The following DIDO1 variants were observed in gnomAD, a reference collection of about 807,000 sequenced individuals.
The protein encoded by DIDO1 is death inducer-obliterator 1.
DIDO1 carries 16 observed loss-of-function variants against 99.4 expected under a neutral mutation model. The observed-to-expected ratio is 0.16, with a 90% CI of 0.11 to 0.24. The LOEUF is 0.24. Among genes scored for constraint, DIDO1 ranks in the 10% least tolerant of loss-of-function variants. DIDO1 has a pLI of 1.00. For missense variants in DIDO1, 2,996 were observed against 3,014.0 expected, an observed-to-expected ratio of 0.99 and a Z score of 0.14; for synonymous variants, 1,366 against 1,239.1, an observed-to-expected ratio of 1.10 and a Z score of -2.15.
In DIDO1 at chr20:62,882,350, G is replaced by A. The variant is rs866639399; in HGVS notation, c.3606C>T (p.Pro1202=). ...TCTTGTCTAACTCTCCACTGTTTGC[G>A]GGACGTTTGATTTTTTGGCAGATTA... The part of the protein sequence containing the change: ...GLVICQKIKR[P]ANSGELDKMD... The change falls in exon 16 of 16, where the codon CCC becomes CCT. Residue 1202 remains proline, a synonymous_variant. Transcript: ENST00000395343. 3.7e-6 allele frequency: 6 copies of A among 1,613,834 alleles called. No individual in the cohort carries two copies. Among genetic ancestry groups the A allele is most frequent in the Non-Finnish European group, 4.2e-6 (5 of 1,180,012 alleles).
Position 62,896,319 on chromosome 20 carries a change from T to C in DIDO1, c.2128A>G (p.Met710Val). 1 of 1,614,064 alleles carries C rather than the reference T, an allele frequency of 6.2e-7. No homozygotes were observed. Residue 710 changes from methionine (M) to valine (V), a missense_variant, in exon 8 of 16, where the codon ATG becomes GTG. Physicochemically the swap from Met to Val is conservative, Grantham distance 21 (BLOSUM62 1). Around this residue, in one of 5 missense-constraint regions of DIDO1, gnomAD observed 898 missense variants for 972.7 expected, o/e 0.92. Coordinates refer to ENST00000395343, the MANE Select transcript of DIDO1 (RefSeq NM_001193369.2). The surrounding 1 kb of genome is among the most constrained non-coding windows in gnomAD (Gnocchi z 4.4). ...TCTGTAACTTGAAACAAGTTAAACA[T>C]CTCCTTCTCAATATGGAGGGCAATT... ...GKIALHIEKE[M>V]FNLFQVTDNR... is the part of the protein sequence containing the mutation.
chr20:62,888,681 C>T (rs2064340317), intron 15 of DIDO1: 12 of 985,528 alleles, frequency 1.2e-5, no homozygotes, highest in South Asian at 4.7e-5. Context: ...CACATGCACA[C>T]GCACTACACA....
intron 15 of DIDO1, chr20:62,889,605 G>A (rs41282988): frequency 0.038 from 37,852 of 985,360 alleles, 837 homozygotes; most frequent in Non-Finnish European, 0.043. Context: ...TCACAGGTGC[G>A]GAGAGGCCAG....
At chr20:62,920,781 G>A (rs1601025540) in intron 1 of DIDO1, among the ~76,000 whole-genome samples, 2 of 152,200 alleles carry the variant, frequency 1.3e-5, no homozygotes, top group Non-Finnish European at 2.9e-5. Context: ...GAATCCAGAA[G>A]CTGTCAGTTA....
chr20:62,895,273 G>C, intron 8 of DIDO1, 108 bp from the exon 9 acceptor site: 1 of 952,164 alleles, frequency 1.1e-6, no homozygotes, highest in South Asian at 1.5e-5. Flanking sequence ...ACAGGACAAA[G>C]GCCCTCAGGG....
At chr20:62,888,343 T>C (rs139818608) in intron 15 of DIDO1, 457 of 985,546 alleles carry the variant, frequency 4.6e-4, no homozygotes, top group Non-Finnish European at 5.2e-4. Context: ...CAGGGGAAGA[T>C]GCTCCCACAT....
intron 1 of DIDO1, among the ~76,000 whole-genome samples, chr20:62,936,025 T>C (rs2065379597): frequency 6.6e-6 from 1 of 152,250 alleles, no homozygotes; most frequent in Non-Finnish European, 1.5e-5. Context: ...AGGCAGGCAC[T>C]GAGACAGCCT....
intron 6 of DIDO1, among the ~76,000 whole-genome samples, chr20:62,902,911 A>C (rs1485868694): frequency 6.6e-6 from 1 of 152,214 alleles, no homozygotes; most frequent in Non-Finnish European, 1.5e-5. Context: ...AAATACTAGA[A>C]ATTGCACCTA....
At chr20:62,906,441 C>T (rs554916236) in intron 5 of DIDO1, among the ~76,000 whole-genome samples, 211 of 152,300 alleles carry the variant, frequency 1.4e-3, no homozygotes, top group Admixed American at 4.2e-3. Context: ...AGGAGGAGTG[C>T]GGCAATGAAC....
chr20:62,922,500 C>A (rs150901172), intron 1 of DIDO1, among the ~76,000 whole-genome samples: 2 of 151,918 alleles, frequency 1.3e-5, no homozygotes, highest in Non-Finnish European at 2.9e-5. Context: ...CAAACGATAG[C>A]GGGGGTGGGG....
At position 62,892,976 on chromosome 20, in the gene DIDO1, C is replaced by G. The variant is rs757076633; in HGVS notation, c.3102-14G>C. The G allele has an allele frequency of 1.3e-6, 2 of 1,586,790 alleles. No homozygotes were observed. The highest frequency in any genetic ancestry group is 1.7e-6 in the Non-Finnish European group (2 of 1,166,296). On this transcript the variant is annotated splice_polypyrimidine_tract_variant and intron_variant, in intron 12 of 15. Transcript: ENST00000395343. ...GATTCTGAAGTGCTGTAAAACAAAA[C>G]CATAAAAAAAAAGTCAATGTCTCTC...
chr20:62,892,282 A>G (rs2064414743), intron 13 of DIDO1, among the ~76,000 whole-genome samples: 1 of 152,204 alleles, frequency 6.6e-6, no homozygotes, highest in African/African-American at 2.4e-5. Context: ...CTTCTGCCAG[A>G]CAAGATTATG....
At position 62,881,849 on chromosome 20, in the gene DIDO1, C is replaced by T; in HGVS notation, c.4107G>A (p.Gln1369=). ...LLDPIVQQFG[Q]FSKDKALEEE... is the part of the protein sequence containing the mutation. ...CCTCTAGAGCCTTATCTTTTGAGAA[C>T]TGACCGAACTGCTGGACGATCGGAT... Residue 1369 remains glutamine (Q), a synonymous_variant, in exon 16 of 16, where the codon CAG becomes CAA. Transcript: ENST00000395343. This position sits in a 1 kb window ranked among gnomAD's most constrained non-coding sequence, Gnocchi z 8.3. 6.2e-7 allele frequency: 1 copy of T among 1,613,602 alleles called. No homozygotes were observed. Among genetic ancestry groups the T allele is most frequent in the East Asian group, 2.2e-5 (1 of 44,886 alleles).
chr20:62,879,891 C>A lies in DIDO1; in HGVS notation c.6065G>T (p.Gly2022Val). Residue 2022 changes from glycine to valine, a missense_variant, in exon 16 of 16, where the codon GGC becomes GTC. Transcript: ENST00000395343. This position sits in a 1 kb window ranked among gnomAD's most constrained non-coding sequence, Gnocchi z 6.3. ...QGQAPQVMKP[G>V]PRPLLELPSH... ...GGGAAGCTCCAGCAGGGGCCTGGGG[C>A]CCGGCTTCATCACCTGCGGGGCCTG... 6.3e-7 allele frequency: 1 copy of A among 1,586,854 alleles called. No homozygotes were observed.
chr20:62,929,692 A>AAAAAAAAAATATAT, upstream of DIDO1, among the ~76,000 whole-genome samples: 2 of 63,736 alleles, frequency 3.1e-5, no homozygotes, highest in African/African-American at 1.5e-4. Flanking sequence ...AAAAAGAAAA[A>AAAAAAAAAATATAT]GTGTATATAT....
At position 62,879,923 on chromosome 20, in the gene DIDO1, G is replaced by A. The variant is rs754805521; in HGVS notation, c.6033C>T (p.Phe2011=). ...TCATCACCTGCGGGGCCTGGCCCTG[G>A]AAGTGAAATCGCGAAGGGGTCTGCT... ...KNEQTPSRFH[F]QGQAPQVMKP... The change falls in exon 16 of 16, where the codon TTC becomes TTT. Residue 2011 remains phenylalanine, a synonymous_variant. Transcript: ENST00000395343. The surrounding 1 kb of genome is among the most constrained non-coding windows in gnomAD (Gnocchi z 6.3). The A allele has an allele frequency of 1.9e-6, 3 of 1,595,080 alleles. No individual in the cohort carries two copies. The highest frequency in any genetic ancestry group is 3.6e-5 in the Admixed American group (2 of 56,186).
intron 2 of DIDO1, among the ~76,000 whole-genome samples, chr20:62,913,269 A>T (rs1351970382): frequency 6.6e-6 from 1 of 151,906 alleles, no homozygotes; most frequent in Non-Finnish European, 1.5e-5. Context: ...CCCCATTGTT[A>T]AAGGACACAG....
At chr20:62,925,869 T>C (rs2065242247) in intron 1 of DIDO1, among the ~76,000 whole-genome samples, 1 of 152,000 alleles carries the variant, frequency 6.6e-6, no homozygotes, top group African/African-American at 2.4e-5. Context: ...GGACACACTC[T>C]TCAGAAAAGC....
Position 62,896,042 on chromosome 20 carries a change from G to A in DIDO1, c.2214+191C>T, listed in dbSNP as rs1345021718. On this transcript the variant is annotated intron_variant, in intron 8 of 15. Coordinates refer to ENST00000395343, the MANE Select transcript of DIDO1 (RefSeq NM_001193369.2). This position sits in a 1 kb window ranked among gnomAD's most constrained non-coding sequence, Gnocchi z 4.4. ...AGCGGACGCGACCCTAGTTAAGGCA[G>A]GGAAGGGAAGGGGTTTCCAGGACGC... is the stretch of plus-strand genomic sequence containing the variant. Among the ~76,000 whole-genome samples the A allele has an allele frequency of 1.3e-5, 2 of 152,176 alleles. No homozygotes were observed. The highest frequency in any genetic ancestry group is 2.9e-5 in the Non-Finnish European group (2 of 68,028).
Sources: gnomAD v4.1 joint callset for allele counts (sites outside exome capture counted in the v4.1 genomes callset) on GRCh38, gnomAD v4.1.1 for gene constraint, gnomAD v4.1.1 regional missense constraint, Gnocchi (gnomAD v3.1) non-coding constraint, MANE v1.5 for transcripts, NCBI Gene and HGNC (gene_info 2026-07-23, HGNC 2026-07-21) for gene names.